The following SPTAN1 variants were observed in gnomAD, a reference collection of about 807,000 sequenced individuals.
SPTAN1 encodes spectrin alpha, non-erythrocytic 1, also known as spectrin alpha chain, non-erythrocytic 1.
In SPTAN1, 61 loss-of-function variants were observed where a neutral mutation model predicts 331.3. The ratio of observed to expected loss-of-function variants is 0.18; its 90% CI spans 0.15 to 0.23. SPTAN1 has a LOEUF of 0.23. Among genes scored for constraint, SPTAN1 ranks in the 10% least tolerant of loss-of-function variants. The pLI, the probability that SPTAN1 is intolerant of heterozygous loss-of-function variation, is 1.00. For synonymous variants in SPTAN1, 1,153 were observed against 1,173.9 expected, an observed-to-expected ratio of 0.98 and a Z score of 0.36; for missense variants, 2,043 against 3,147.9, an observed-to-expected ratio of 0.65 and a Z score of 8.40.
At chr9:128,559,267 T>G (rs1849005468) in intron 1 of SPTAN1, among the ~76,000 whole-genome samples, 1 of 152,188 alleles carries the variant, frequency 6.6e-6, no homozygotes, top group Admixed American at 6.5e-5. Context: ...GGTTGGTTAA[T>G]TTCAGCAGGG....
chr9:128,576,797 T>C (rs1205134370), intron 5 of SPTAN1, 26 bp from the exon 6 acceptor site: 3 of 1,612,610 alleles, frequency 1.9e-6, no homozygotes, highest in African/African-American at 2.7e-5. Context: ...TGTGTACAAA[T>C]CCAGTCTCTT....
chr9:128,609,319 A>G, intron 36 of SPTAN1, 35 bp downstream of exon 36: 1 of 1,614,038 alleles, frequency 6.2e-7, no homozygotes, highest in Non-Finnish European at 8.5e-7. Flanking sequence ...GTCTTGATGT[A>G]GCCTTATGTT....
At chr9:128,565,133 T>C (rs1768031813) in intron 1 of SPTAN1, among the ~76,000 whole-genome samples, 1 of 152,084 alleles carries the variant, frequency 6.6e-6, no homozygotes, top group African/African-American at 2.4e-5. Flanking sequence ...TGAAACCCCA[T>C]CTCTACGAAA....
intron 40 of SPTAN1, 114 bp from the exon 41 acceptor site, chr9:128,615,518 A>T (rs181989946): frequency 9.5e-7 from 1 of 1,050,572 alleles, no homozygotes. Flanking sequence ...TCCACATAAC[A>T]GACTTTGAGA....
intron 1 of SPTAN1, among the ~76,000 whole-genome samples, chr9:128,562,239 G>T (rs1849461442): frequency 6.6e-6 from 1 of 152,038 alleles, no homozygotes; most frequent in Non-Finnish European, 1.5e-5. Flanking sequence ...AGTAGCTGGG[G>T]CTACAGGCGC....
At chr9:128,594,429 AT>A (rs10679469) in intron 24 of SPTAN1, 56 bp downstream of exon 24, 16,242 of 753,790 alleles carry the variant, frequency 0.022, no homozygotes, top group East Asian at 0.079. Flanking sequence ...GAGTCTCTTG[AT>A]TTTTTTTTTT....
In SPTAN1 at chr9:128,627,726, G is replaced by A. The variant is rs371647052; in HGVS notation, c.6690-199G>A. 3.1e-4 allele frequency: 249 copies of A among 803,772 alleles called. 1 individual carries two copies. In the South Asian group the frequency reaches 3.4e-3, roughly 11 times the overall value. The allele number at this position is 803,772 out of a possible 1,614,324, so 49.8% of individuals were successfully genotyped here. A position where few individuals can be genotyped will look rare whatever the true frequency, so the allele number is the denominator to read the frequency against. On this transcript the variant is annotated intron_variant, in intron 50 of 56. Transcript: ENST00000372739. This position sits in a 1 kb window ranked among gnomAD's most constrained non-coding sequence, Gnocchi z 4.9. ...CAGACATCAAGTTGTTAGAGATCCC[G>A]GATTGAGTGGGACCATGCAGGGCGC...
chr9:128,587,568 G>C (rs748317084), intron 19 of SPTAN1, 38 bp from the exon 20 acceptor site: 10 of 1,580,176 alleles, frequency 6.3e-6, no homozygotes, highest in Non-Finnish European at 8.7e-6. Context: ...GGAGGCTTCA[G>C]CCCCTGCACA....
chr9:128,564,666 G>A (rs1397655334), intron 1 of SPTAN1, among the ~76,000 whole-genome samples: 1 of 152,168 alleles, frequency 6.6e-6, no homozygotes, highest in African/African-American at 2.4e-5. Context: ...CAATTGCTTT[G>A]CAAATCTATA....
In SPTAN1 at chr9:128,626,664, A is replaced by AG; in HGVS notation, c.6555dup (p.Asn2186GlufsTer66). Reference sequence around the variant, plus strand: ...CATGGAGGCCCTGGAGGAGACCTGGAGGAACCTACAGAAAATCATCAAGGT... The same window carrying AG: ...CATGGAGGCCCTGGAGGAGACCTGGAGGGAACCTACAGAAAATCATCAAGGT... On this transcript the variant is annotated frameshift_variant, in exon 49 of 57. Coordinates refer to ENST00000372739, the MANE Select transcript of SPTAN1 (RefSeq NM_001130438.3). LOFTEE classifies it high-confidence loss of function. 1 of 1,612,130 alleles carries AG rather than the reference A, an allele frequency of 6.2e-7. No homozygotes were observed. The highest frequency in any genetic ancestry group is 1.1e-5 in the South Asian group (1 of 90,860).
chr9:128,561,058 A>G (rs1849273618), intron 1 of SPTAN1, among the ~76,000 whole-genome samples: 1 of 149,758 alleles, frequency 6.7e-6, no homozygotes, highest in Admixed American at 6.7e-5. Context: ...ACTAATAAAT[A>G]ACCAAACAGC....
At chr9:128,609,327 G>C (rs758696932) in intron 36 of SPTAN1, 43 bp downstream of exon 36, 1 of 1,613,412 alleles carries the variant, frequency 6.2e-7, no homozygotes, top group Non-Finnish European at 8.5e-7. Flanking sequence ...GTAGCCTTAT[G>C]TTATTGAGTA....
At chr9:128,554,473 G>A (rs1400348157) in intron 1 of SPTAN1, among the ~76,000 whole-genome samples, 1 of 152,198 alleles carries the variant, frequency 6.6e-6, no homozygotes, top group East Asian at 1.9e-4. Flanking sequence ...AATTTTTTCT[G>A]CTTTTTCTTA....
intron 45 of SPTAN1, 66 bp downstream of exon 45, chr9:128,621,322 G>A (rs1160382692): frequency 7.0e-7 from 1 of 1,427,568 alleles, no homozygotes; most frequent in African/African-American, 1.4e-5. Context: ...GTACCACAGA[G>A]GTCCCCCAAA....
Position 128,577,862 on chromosome 9 carries a change from GA to G in SPTAN1, c.1086-246del, listed in dbSNP as rs1851482963. ...AAGGGTTGAACCTGGGAATAACAAG[GA>G]AGTTGAAAATGTGGGACAGGATTGG... is the stretch of plus-strand genomic sequence containing the variant. On this transcript the variant is annotated intron_variant, in intron 8 of 56. Transcript: ENST00000372739. The surrounding 1 kb of genome is among the most constrained non-coding windows in gnomAD (Gnocchi z 4.2). Among the ~76,000 whole-genome samples the G allele has an allele frequency of 8.1e-6, 1 of 122,882 alleles. No homozygotes were observed. Among genetic ancestry groups the G allele is most frequent in the Non-Finnish European group, 1.8e-5 (1 of 54,764 alleles). 80.6% of individuals were successfully genotyped at this position (122,882 alleles called of 152,430 possible).
chr9:128,576,706 T>C (rs1306652245), intron 5 of SPTAN1, 117 bp from the exon 6 acceptor site: 1 of 1,339,080 alleles, frequency 7.5e-7, no homozygotes, highest in Non-Finnish European at 1.0e-6. Context: ...CATTATTTCT[T>C]GTGATTCTCT....
intron 31 of SPTAN1, 25 bp downstream of exon 31, chr9:128,605,502 T>A: frequency 6.2e-7 from 1 of 1,613,902 alleles, no homozygotes; most frequent in Non-Finnish European, 8.5e-7. Context: ...TCACTCAGAC[T>A]TCTGGAACAT....
chr9:128,553,592 C>G (rs1387785738), intron 1 of SPTAN1, among the ~76,000 whole-genome samples: 1 of 152,154 alleles, frequency 6.6e-6, no homozygotes, highest in Non-Finnish European at 1.5e-5. Flanking sequence ...CTCTGATGTA[C>G]TAGAGTAAAA....
chr9:128,593,990 C>T (rs1853883095), intron 23 of SPTAN1, 185 bp from the exon 24 acceptor site: 5 of 664,656 alleles, frequency 7.5e-6, no homozygotes, highest in Non-Finnish European at 1.1e-5. Flanking sequence ...GCATATCTCT[C>T]AGGCTGTGGC....
Sources: gnomAD v4.1 joint callset for allele counts (sites outside exome capture counted in the v4.1 genomes callset) on GRCh38, gnomAD v4.1.1 for gene constraint, Gnocchi (gnomAD v3.1) non-coding constraint, MANE v1.5 for transcripts, NCBI Gene and HGNC (gene_info 2026-07-23, HGNC 2026-07-21) for gene names.